The following ERBB4 variants were observed in gnomAD, a reference collection of about 807,000 sequenced individuals.
ERBB4 encodes the protein erb-b2 receptor tyrosine kinase 4.
Under a neutral mutation model 158.0 loss-of-function variants are expected in ERBB4, and 42 were observed. The ratio of observed to expected loss-of-function variants is 0.27; its 90% CI spans 0.21 to 0.34. ERBB4 has a LOEUF of 0.34. Ranked by LOEUF, ERBB4 falls within the 10% of genes least tolerant of loss-of-function variation. The probability of loss-of-function intolerance (pLI) is 1.00; values close to 1 mark genes in which losing one functional copy is unlikely to be tolerated. For synonymous variants in ERBB4, 583 were observed against 558.7 expected, an observed-to-expected ratio of 1.04 and a Z score of -0.61; for missense variants, 1,333 against 1,624.1, an observed-to-expected ratio of 0.82 and a Z score of 3.08.
chr2:211,690,860 T>C lies in ERBB4; in HGVS notation c.1489+11107A>G, dbSNP rs535326793. Among the ~76,000 whole-genome samples the C allele has an allele frequency of 1.2e-4, 19 of 152,324 alleles. No individual in the cohort carries two copies. In the South Asian group the frequency reaches 3.7e-3, roughly 30 times the overall value. On this transcript the variant is annotated intron_variant, in intron 12 of 27. Coordinates refer to ENST00000342788, the MANE Select transcript of ERBB4 (RefSeq NM_005235.3). Reference sequence around the variant, plus strand: ...AAAGAAACTTTAGCAATGTAGTTATTAGGCAACCTTTAACTTCTTCTGTGT... The same window carrying C: ...AAAGAAACTTTAGCAATGTAGTTATCAGGCAACCTTTAACTTCTTCTGTGT...
intron 21 of ERBB4, among the ~76,000 whole-genome samples, chr2:211,430,187 T>G (rs1002361763): frequency 6.6e-5 from 10 of 151,064 alleles, no homozygotes; most frequent in East Asian, 1.9e-4. Flanking sequence ...AATAACTGGG[T>G]TTTTTTTTGT....
At chr2:211,640,834 C>T (rs1007946858) in intron 16 of ERBB4, among the ~76,000 whole-genome samples, 1 of 152,082 alleles carries the variant, frequency 6.6e-6, no homozygotes, top group South Asian at 2.1e-4. Context: ...AGCAGCAAAA[C>T]TGATAAAAAG....
chr2:212,136,643 T>C (rs764032987), intron 1 of ERBB4, among the ~76,000 whole-genome samples: 2 of 152,212 alleles, frequency 1.3e-5, no homozygotes, highest in Non-Finnish European at 2.9e-5. Context: ...TGAGTATGCT[T>C]GCAGTGGTGA....
intron 4 of ERBB4, chr2:211,779,293 C>T (rs1452527865): frequency 6.6e-6 from 1 of 152,184 alleles, no homozygotes; most frequent in Non-Finnish European, 1.5e-5. Flanking sequence ...GTTTAACCGG[C>T]ATCTTATTAG....
intron 16 of ERBB4, among the ~76,000 whole-genome samples, chr2:211,652,888 C>T (rs1395939251): frequency 2.0e-5 from 3 of 151,966 alleles, no homozygotes; most frequent in African/African-American, 7.3e-5. Flanking sequence ...AAATGTTTTG[C>T]CAATGGAAAC....
At chr2:211,524,413 T>C (rs1241820797) in intron 20 of ERBB4, among the ~76,000 whole-genome samples, 2 of 150,424 alleles carry the variant, frequency 1.3e-5, no homozygotes, top group South Asian at 2.1e-4. Flanking sequence ...TGGGACTGGG[T>C]GCCGTGGAGC....
chr2:211,960,601 T>C (rs1050802535), intron 2 of ERBB4: 4 of 152,108 alleles, frequency 2.6e-5, no homozygotes, highest in Non-Finnish European at 5.9e-5. Context: ...TGCCAGAAAT[T>C]TGTTACTCAC....
At chr2:212,303,323 T>C (rs139026789) in intron 1 of ERBB4, among the ~76,000 whole-genome samples, 28 of 151,040 alleles carry the variant, frequency 1.9e-4, no homozygotes, top group African/African-American at 6.5e-4. Context: ...ACTCCAATTA[T>C]GTATATTTGA....
chr2:211,584,968 A>T (rs1021315534), intron 19 of ERBB4, among the ~76,000 whole-genome samples: 2 of 152,094 alleles, frequency 1.3e-5, no homozygotes, highest in African/African-American at 4.8e-5. Flanking sequence ...ACTATATTCT[A>T]CACTAATATC....
chr2:212,296,203 T>C lies in ERBB4; in HGVS notation c.83-171300A>G, dbSNP rs532488553. Among the ~76,000 whole-genome samples, 4 of 152,068 alleles carry C rather than the reference T, an allele frequency of 2.6e-5. No homozygotes were observed. The East Asian group carries it at 7.8e-4, about 30-fold the overall frequency. ...ATAGGGAACACCATGATGGTCAGTG[T>C]TCAGACTTGATGAAGACTGAAGCAT... On this transcript the variant is annotated intron_variant, in intron 1 of 27. Coordinates refer to ENST00000342788, the MANE Select transcript of ERBB4 (RefSeq NM_005235.3).
intron 2 of ERBB4, among the ~76,000 whole-genome samples, chr2:212,034,734 C>A (rs1034392108): frequency 6.6e-6 from 1 of 152,002 alleles, no homozygotes; most frequent in Non-Finnish European, 1.5e-5. Context: ...GATTCTTTAG[C>A]CTTTTTCTCT....
chr2:212,536,935 A>G (rs1350631436), intron 1 of ERBB4, among the ~76,000 whole-genome samples: 1 of 152,132 alleles, frequency 6.6e-6, no homozygotes, highest in Non-Finnish European at 1.5e-5. Context: ...AAAGAGATGT[A>G]TCTAAGAGGC....
intron 16 of ERBB4, among the ~76,000 whole-genome samples, chr2:211,648,257 GGACAAAAACCCA>G (rs1259666772): frequency 2.0e-4 from 30 of 151,450 alleles, no homozygotes; most frequent in African/African-American, 6.5e-4. Flanking sequence ...CAGTTACTCA[GGACAAAAACCCA>G]GGTGTCATTG....
intron 1 of ERBB4, among the ~76,000 whole-genome samples, chr2:212,222,000 G>A (rs1204221380): frequency 6.6e-6 from 1 of 151,456 alleles, no homozygotes; most frequent in Non-Finnish European, 1.5e-5. Context: ...AGTGTCTGAA[G>A]CATAGTATGT....
At chr2:211,417,890 A>AAGTAG (rs1328584626) in intron 25 of ERBB4, among the ~76,000 whole-genome samples, 1 of 152,170 alleles carries the variant, frequency 6.6e-6, no homozygotes, top group Non-Finnish European at 1.5e-5. Context: ...ATGATTCTAA[A>AAGTAG]AGTAGAGTAA....
At chr2:211,934,334 C>G (rs569628510) in intron 3 of ERBB4, among the ~76,000 whole-genome samples, 2 of 151,700 alleles carry the variant, frequency 1.3e-5, no homozygotes, top group African/African-American at 4.8e-5. Flanking sequence ...ATATTTATAC[C>G]AGTTGCCAAC....
chr2:212,499,785 T>C (rs897774889), intron 1 of ERBB4, among the ~76,000 whole-genome samples: 5 of 152,086 alleles, frequency 3.3e-5, no homozygotes, highest in East Asian at 1.9e-4. Flanking sequence ...TTTAGAACTG[T>C]TGAAGTTAAA....
intron 19 of ERBB4, among the ~76,000 whole-genome samples, chr2:211,566,053 A>T (rs1174336393): frequency 6.6e-6 from 1 of 152,172 alleles, no homozygotes; most frequent in Non-Finnish European, 1.5e-5. Context: ...GATGACTGGA[A>T]GTTCCGGGTG....
In ERBB4 at chr2:211,624,997, G is replaced by A. The variant is rs548138528; in HGVS notation, c.2080-953C>T. Among the ~76,000 whole-genome samples the A allele has an allele frequency of 6.3e-4, 95 of 151,296 alleles. 1 individual carries two copies. The highest frequency in any genetic ancestry group is 2.3e-3 in the African/African-American group (93 of 41,190). On this transcript the variant is annotated intron_variant, in intron 17 of 27. Transcript: ENST00000342788. ...TGATAGTTTTAGACGTCATCATTGCGTTGTGATTCAGTTAGGGGGAATGAA... is the reference window on the plus strand; with the variant it reads ...TGATAGTTTTAGACGTCATCATTGCATTGTGATTCAGTTAGGGGGAATGAA...
Sources: gnomAD v4.1 joint callset for allele counts (sites outside exome capture counted in the v4.1 genomes callset) on GRCh38, gnomAD v4.1.1 for gene constraint, MANE v1.5 for transcripts, NCBI Gene and HGNC (gene_info 2026-07-23, HGNC 2026-07-21) for gene names.